Variants in COL13A1 observed in about 807,000 individuals in gnomAD.
The protein encoded by COL13A1 is collagen alpha-1(XIII) chain.
Under a neutral mutation model 130.9 loss-of-function variants are expected in COL13A1, and 89 were observed. The observed-to-expected ratio is 0.68, with a 90% confidence interval of 0.57 to 0.81. The LOEUF (loss-of-function observed/expected upper bound fraction) is 0.81. COL13A1 is among the 30% of genes least tolerant of loss of function. The pLI is 0.00. For synonymous variants in COL13A1, 402 were observed against 341.6 expected, an observed-to-expected ratio of 1.18 and a Z score of -1.95; for missense variants, 879 against 934.6, an observed-to-expected ratio of 0.94 and a Z score of 0.78.
At chr10:69,851,293 C>G (rs1010801351) in intron 2 of COL13A1, among the ~76,000 whole-genome samples, 4 of 152,220 alleles carry the variant, frequency 2.6e-5, no homozygotes, top group African/African-American at 9.6e-5. Flanking sequence ...GAAGGGAGCT[C>G]CCCTTCCACC....
At chr10:69,919,166 T>C (rs2135548560) in intron 20 of COL13A1, 78 bp downstream of exon 20, 2 of 1,590,928 alleles carry the variant, frequency 1.3e-6, no homozygotes, top group East Asian at 2.2e-5. Context: ...GCTGCTGTTT[T>C]GCTCTTGGTC....
chr10:69,946,455 C>T (rs1171656710), intron 37 of COL13A1, among the ~76,000 whole-genome samples: 2 of 152,366 alleles, frequency 1.3e-5, no homozygotes, highest in East Asian at 1.9e-4. Context: ...CACTGTGTTA[C>T]AGAAGTTGAG....
intron 12 of COL13A1, 69 bp from the exon 13 acceptor site, chr10:69,895,481 G>C: frequency 1.3e-6 from 2 of 1,543,558 alleles, no homozygotes; most frequent in Non-Finnish European, 1.8e-6. Context: ...GAAGTGCTGG[G>C]GGTGCCCTGA....
intron 3 of COL13A1, among the ~76,000 whole-genome samples, chr10:69,868,148 T>C (rs1321330611): frequency 3.4e-5 from 5 of 145,476 alleles, no homozygotes; most frequent in African/African-American, 5.1e-5. Context: ...AAGCACCAGG[T>C]ATTAGAAGAA....
chr10:69,849,010 T>A (rs532412873), intron 2 of COL13A1, among the ~76,000 whole-genome samples: 2 of 152,338 alleles, frequency 1.3e-5, no homozygotes, highest in Non-Finnish European at 2.9e-5. Flanking sequence ...CTGCACCACC[T>A]GACCCATGTG....
chr10:69,915,346 TG>T (rs1446033647), intron 17 of COL13A1, among the ~76,000 whole-genome samples: 1 of 152,182 alleles, frequency 6.6e-6, no homozygotes, highest in Non-Finnish European at 1.5e-5. Context: ...TTTTCAGCCA[TG>T]GTAACTTCCT....
At chr10:69,892,207 G>A (rs1048328360) in intron 10 of COL13A1, among the ~76,000 whole-genome samples, 25 of 152,144 alleles carry the variant, frequency 1.6e-4, no homozygotes, top group Admixed American at 6.5e-4. Flanking sequence ...TACCCGAGCT[G>A]TTAGTTGCCC....
At chr10:69,917,253 G>A (rs754595552) in intron 17 of COL13A1, 36 bp from the exon 18 acceptor site, 2 of 1,612,750 alleles carry the variant, frequency 1.2e-6, no homozygotes, top group East Asian at 4.5e-5. Flanking sequence ...CCCCGAGTCT[G>A]GTCCTCTCCT....
chr10:69,802,784 T>C, intron 1 of COL13A1, 67 bp downstream of exon 1: 1 of 1,575,982 alleles, frequency 6.3e-7, no homozygotes, highest in Admixed American at 1.7e-5. Context: ...CTCCAGACTG[T>C]TCAGCCGGTG....
At chr10:69,838,562 G>A (rs1008016577) in intron 2 of COL13A1, among the ~76,000 whole-genome samples, 20 of 152,278 alleles carry the variant, frequency 1.3e-4, no homozygotes, top group African/African-American at 4.8e-4. Context: ...CTCCTGAACC[G>A]CAGGCCAGGA....
chr10:69,929,623 G>T (rs1283092296), intron 28 of COL13A1, among the ~76,000 whole-genome samples: 7 of 152,168 alleles, frequency 4.6e-5, no homozygotes, highest in Non-Finnish European at 1.0e-4. Flanking sequence ...CAAAGAAGGG[G>T]CTTGGTTTGT....
At chr10:69,913,533 C>T (rs1288549606) in intron 17 of COL13A1, among the ~76,000 whole-genome samples, 1 of 152,178 alleles carries the variant, frequency 6.6e-6, no homozygotes, top group Non-Finnish European at 1.5e-5. Context: ...CAAAGACATG[C>T]CCCAAGGAAC....
chr10:69,818,313 C>T (rs539858280), intron 1 of COL13A1, among the ~76,000 whole-genome samples: 209 of 152,314 alleles, frequency 1.4e-3, no homozygotes, highest in Non-Finnish European at 2.7e-3. Flanking sequence ...TCAGCCCAAG[C>T]GGTCTCACTG....
intron 13 of COL13A1, among the ~76,000 whole-genome samples, chr10:69,896,551 C>T (rs1413505567): frequency 1.3e-5 from 2 of 152,138 alleles, no homozygotes; most frequent in Non-Finnish European, 2.9e-5. Context: ...CCGGGTGGTG[C>T]GATTTTGGGA....
At chr10:69,828,416 A>T (rs1034559382) in intron 2 of COL13A1, among the ~76,000 whole-genome samples, 1 of 152,014 alleles carries the variant, frequency 6.6e-6, no homozygotes, top group Non-Finnish European at 1.5e-5. Context: ...AGGTTCTGTC[A>T]ACTCCACTCC....
At chr10:69,914,105 G>A (rs1379397840) in intron 17 of COL13A1, among the ~76,000 whole-genome samples, 1 of 152,140 alleles carries the variant, frequency 6.6e-6, no homozygotes. Flanking sequence ...TCACGCTCCG[G>A]GGTTTTGCTC....
chr10:69,839,836 C>G (rs928072539), intron 2 of COL13A1, among the ~76,000 whole-genome samples: 1 of 152,168 alleles, frequency 6.6e-6, no homozygotes, highest in Admixed American at 6.5e-5. Context: ...AGTCCTGTGG[C>G]GCCTCGTGTG....
intron 2 of COL13A1, chr10:69,829,388 T>C: frequency 2.2e-6 from 1 of 464,246 alleles, no homozygotes; most frequent in Non-Finnish European, 2.8e-6. Flanking sequence ...GCTTGTTACC[T>C]GCTCTGACCC....
intron 34 of COL13A1, among the ~76,000 whole-genome samples, chr10:69,940,073 C>T (rs2067421188): frequency 6.6e-6 from 1 of 152,026 alleles, no homozygotes; most frequent in African/African-American, 2.4e-5. Context: ...GAAAAGGGTC[C>T]CTGGGTTTTC....
Sources: gnomAD v4.1 joint callset for allele counts (sites outside exome capture counted in the v4.1 genomes callset) on GRCh38, gnomAD v4.1.1 for gene constraint, MANE v1.5 for transcripts, NCBI Gene and HGNC (gene_info 2026-07-23, HGNC 2026-07-21) for gene names.